The following KCNC2 variants were observed in gnomAD, a reference collection of about 807,000 sequenced individuals.
The protein encoded by KCNC2 is potassium voltage-gated channel subfamily C member 2, also known as voltage-gated potassium channel KCNC2.
Under a neutral mutation model 44.5 loss-of-function variants are expected in KCNC2, and 21 were observed. The observed-to-expected ratio is 0.47, with a 90% CI of 0.33 to 0.68. The LOEUF is 0.68. KCNC2 is among the 30% of genes least tolerant of loss of function. The probability of loss-of-function intolerance (pLI) is 0.01; values close to 1 mark genes in which losing one functional copy is unlikely to be tolerated. For missense variants in KCNC2, 589 were observed against 826.2 expected (o/e 0.71, Z 3.52); for synonymous variants, 391 against 339.1 (o/e 1.15, Z -1.68).
chr12:75,193,880 T>C (rs776627376), intron 2 of KCNC2, among the ~76,000 whole-genome samples: 4 of 152,014 alleles, frequency 2.6e-5, no homozygotes, highest in South Asian at 2.1e-4. Flanking sequence ...GATTCAATAG[T>C]ATAAAATGCA....
chr12:75,095,139 A>G (rs1489873672), intron 2 of KCNC2, among the ~76,000 whole-genome samples: 1 of 151,776 alleles, frequency 6.6e-6, no homozygotes, highest in Non-Finnish European at 1.5e-5. Context: ...AAACTGTAAG[A>G]ATGAAGAAGA....
chr12:75,208,755 G>A (rs993039822), intron 1 of KCNC2, among the ~76,000 whole-genome samples: 1 of 151,976 alleles, frequency 6.6e-6, no homozygotes, highest in African/African-American at 2.4e-5. Context: ...AAAAATCTCT[G>A]CTGTTGCTTT....
chr12:75,087,312 C>A (rs1431786855), intron 2 of KCNC2, among the ~76,000 whole-genome samples: 1 of 152,060 alleles, frequency 6.6e-6, no homozygotes. Flanking sequence ...TAATCACTCA[C>A]CTTAGCATTA....
intron 2 of KCNC2, among the ~76,000 whole-genome samples, chr12:75,204,695 G>A (rs989573893): frequency 1.3e-5 from 2 of 152,026 alleles, no homozygotes; most frequent in Admixed American, 6.6e-5. Context: ...TCAACTTGTG[G>A]CCTCCACATA....
chr12:75,044,532 T>C (rs1880265837), intron 4 of KCNC2: 1 of 151,980 alleles, frequency 6.6e-6, no homozygotes, highest in Admixed American at 6.6e-5. Context: ...AAGCCATGGA[T>C]AGCTTTCCTC....
chr12:75,155,280 G>T (rs542914166), intron 2 of KCNC2, among the ~76,000 whole-genome samples: 8 of 151,906 alleles, frequency 5.3e-5, no homozygotes, highest in African/African-American at 1.9e-4. Flanking sequence ...ATGAATTCAA[G>T]TTTTCTCAAG....
At chr12:75,122,316 T>A (rs1028262891) in intron 2 of KCNC2, among the ~76,000 whole-genome samples, 11 of 152,204 alleles carry the variant, frequency 7.2e-5, no homozygotes, top group Non-Finnish European at 1.5e-4. Context: ...GGCACTATAA[T>A]TCCCATTTCA....
chr12:75,087,803 G>T (rs1592843369), intron 2 of KCNC2, among the ~76,000 whole-genome samples: 1 of 152,164 alleles, frequency 6.6e-6, no homozygotes. Context: ...CCTCACCCCA[G>T]TGATCTGGAA....
At chr12:75,074,868 C>A (rs1484678699) in intron 2 of KCNC2, among the ~76,000 whole-genome samples, 2 of 152,104 alleles carry the variant, frequency 1.3e-5, no homozygotes, top group East Asian at 3.9e-4. Context: ...TAGAGAAACA[C>A]AATGTGCCTA....
At chr12:75,107,897 C>T (rs555682484) in intron 2 of KCNC2, among the ~76,000 whole-genome samples, 1 of 152,196 alleles carries the variant, frequency 6.6e-6, no homozygotes, top group South Asian at 2.1e-4. Flanking sequence ...TAGAATCCTG[C>T]ATATACATCT....
chr12:75,109,133 T>C (rs1249422393), intron 2 of KCNC2, among the ~76,000 whole-genome samples: 1 of 152,176 alleles, frequency 6.6e-6, no homozygotes, highest in African/African-American at 2.4e-5. Flanking sequence ...TCTAGAGGGA[T>C]TCATGTGATT....
At chr12:75,194,891 C>T (rs1013246117) in intron 2 of KCNC2, among the ~76,000 whole-genome samples, 12 of 152,098 alleles carry the variant, frequency 7.9e-5, no homozygotes, top group African/African-American at 2.9e-4. Flanking sequence ...GAATGACTGC[C>T]TTGTTTCTGA....
At chr12:75,141,287 T>C (rs919142459) in intron 2 of KCNC2, among the ~76,000 whole-genome samples, 2 of 152,244 alleles carry the variant, frequency 1.3e-5, no homozygotes, top group Non-Finnish European at 2.9e-5. Context: ...TTCTTTATCC[T>C]AGGTTGTGAT....
chr12:75,074,660 C>T (rs1883749657), intron 2 of KCNC2, among the ~76,000 whole-genome samples: 1 of 152,124 alleles, frequency 6.6e-6, no homozygotes, highest in Non-Finnish European at 1.5e-5. Flanking sequence ...AAAATATAAA[C>T]CTGGCCTAAA....
chr12:75,042,791 AT>A lies in KCNC2; in HGVS notation c.*313del. ...GGCATTTGGAAGCACACTGTTTTAAATATATCTCCCTGAAGGTATGTTTATA... is the reference window on the plus strand; with the variant it reads ...GGCATTTGGAAGCACACTGTTTTAAAATATCTCCCTGAAGGTATGTTTATA... On this transcript the variant is annotated 3_prime_UTR_variant, in exon 5 of 5. Transcript: ENST00000549446. 1 of 1,176,780 alleles carries A rather than the reference AT, an allele frequency of 8.5e-7. No homozygotes were observed. Among genetic ancestry groups the A allele is most frequent in the African/African-American group, 1.6e-5 (1 of 63,180 alleles). 72.9% of individuals were successfully genotyped at this position (1,176,780 alleles called of 1,614,324 possible). A position where few individuals can be genotyped will look rare whatever the true frequency, so the allele number is the denominator to read the frequency against.
intron 2 of KCNC2, among the ~76,000 whole-genome samples, chr12:75,055,219 G>A (rs1592768248): frequency 2.0e-5 from 3 of 152,152 alleles, no homozygotes; most frequent in Non-Finnish European, 4.4e-5. Flanking sequence ...ATTAATGAAA[G>A]AATAAATGAG....
chr12:75,192,912 G>A (rs1467526215), intron 2 of KCNC2, among the ~76,000 whole-genome samples: 1 of 152,024 alleles, frequency 6.6e-6, no homozygotes, highest in African/African-American at 2.4e-5. Context: ...TATATTTTAA[G>A]CATTTTCACC....
chr12:75,053,064 T>G (rs1881355258), intron 2 of KCNC2, among the ~76,000 whole-genome samples: 1 of 152,146 alleles, frequency 6.6e-6, no homozygotes, highest in African/African-American at 2.4e-5. Context: ...AATCAATCAT[T>G]TGTCGTAACA....
At chr12:75,083,825 C>G (rs1447937938) in intron 2 of KCNC2, among the ~76,000 whole-genome samples, 1 of 151,816 alleles carries the variant, frequency 6.6e-6, no homozygotes, top group Non-Finnish European at 1.5e-5. Context: ...CTGAAGTTTT[C>G]TTACTCCTTT....
Sources: gnomAD v4.1 joint callset for allele counts (sites outside exome capture counted in the v4.1 genomes callset) on GRCh38, gnomAD v4.1.1 for gene constraint, MANE v1.5 for transcripts, NCBI Gene and HGNC (gene_info 2026-07-23, HGNC 2026-07-21) for gene names.